KSR2: variants seen among roughly 807,000 people sequenced by gnomAD.
The protein encoded by KSR2 is kinase suppressor of ras 2.
In KSR2, 25 loss-of-function variants were observed where a neutral mutation model predicts 107.8. The ratio of observed to expected loss-of-function variants is 0.23; its 90% CI spans 0.17 to 0.32. KSR2 has a LOEUF of 0.32. Ranked by LOEUF, KSR2 falls within the 10% of genes least tolerant of loss-of-function variation. The pLI, the probability that KSR2 is intolerant of heterozygous loss-of-function variation, is 1.00. For synonymous variants in KSR2, 480 were observed against 507.0 expected (o/e 0.95, Z 0.71); for missense variants, 887 against 1,268.9 (o/e 0.70, Z 4.57).
chr12:117,836,197 T>G (rs768768258), intron 3 of KSR2, among the ~76,000 whole-genome samples: 5 of 152,096 alleles, frequency 3.3e-5, no homozygotes, highest in African/African-American at 1.2e-4. Flanking sequence ...GGCAGTAGCA[T>G]CGTCAAGTTT....
chr12:117,661,959 T>C (rs1884450217), intron 5 of KSR2, among the ~76,000 whole-genome samples: 1 of 152,160 alleles, frequency 6.6e-6, no homozygotes, highest in Non-Finnish European at 1.5e-5. Flanking sequence ...TTTATATATT[T>C]CAATGCCTGC....
intron 4 of KSR2, among the ~76,000 whole-genome samples, chr12:117,731,449 C>G (rs1887700900): frequency 2.2e-5 from 3 of 135,214 alleles, no homozygotes; most frequent in African/African-American, 9.0e-5. Flanking sequence ...ACCGCCCCGT[C>G]CGGGAGGTGG....
intron 3 of KSR2, among the ~76,000 whole-genome samples, chr12:117,850,129 G>A (rs1322764126): frequency 1.3e-5 from 2 of 152,226 alleles, no homozygotes; most frequent in African/African-American, 4.8e-5. Context: ...TTCCAAACAT[G>A]AAGGATACTT....
chr12:117,867,302 C>A (rs113389157), intron 1 of KSR2, among the ~76,000 whole-genome samples: 3 of 151,546 alleles, frequency 2.0e-5, no homozygotes, highest in African/African-American at 7.3e-5. Flanking sequence ...GGCAACAAAG[C>A]GAGACCTTGT....
At chr12:117,840,002 G>A (rs4516059) in intron 3 of KSR2, among the ~76,000 whole-genome samples, 32,728 of 152,104 alleles carry the variant, frequency 0.22, 7,469 homozygotes, top group African/African-American at 0.58. Flanking sequence ...GCAAAAGAAA[G>A]AAAATCATCA....
At chr12:117,726,866 G>A (rs938509603) in intron 4 of KSR2, among the ~76,000 whole-genome samples, 1 of 152,154 alleles carries the variant, frequency 6.6e-6, no homozygotes, top group Non-Finnish European at 1.5e-5. Context: ...GTACAAGAAT[G>A]TTCTAAGTAG....
chr12:117,919,477 T>C (rs980608785), intron 1 of KSR2, among the ~76,000 whole-genome samples: 5 of 152,226 alleles, frequency 3.3e-5, no homozygotes, highest in African/African-American at 9.6e-5. Context: ...AGGAAGCATA[T>C]GCTAGGCTGT....
chr12:117,638,129 TTAACA>T (rs1168822666), intron 5 of KSR2, among the ~76,000 whole-genome samples: 2 of 151,362 alleles, frequency 1.3e-5, no homozygotes, highest in Admixed American at 6.6e-5. Flanking sequence ...TTTCTCATAC[TTAACA>T]TTTTTGCCTA....
chr12:117,615,390 CT>C (rs34343972), intron 5 of KSR2, among the ~76,000 whole-genome samples: 136,377 of 152,138 alleles, frequency 0.9, 61,286 homozygotes, highest in East Asian at 0.99. Flanking sequence ...ATGTTAAATG[CT>C]TTGTTTTCTT....
intron 10 of KSR2, among the ~76,000 whole-genome samples, chr12:117,537,780 A>C (rs1336473397): frequency 6.6e-6 from 1 of 152,222 alleles, no homozygotes; most frequent in Non-Finnish European, 1.5e-5. Flanking sequence ...GGCACGCTAG[A>C]ACAGCAAATT....
chr12:117,870,966 T>A (rs1462022338), intron 1 of KSR2, among the ~76,000 whole-genome samples: 1 of 152,178 alleles, frequency 6.6e-6, no homozygotes, highest in Non-Finnish European at 1.5e-5. Flanking sequence ...TGGGCAGAGA[T>A]CGAGCAGTGC....
chr12:117,692,597 G>A (rs75908826), intron 4 of KSR2, among the ~76,000 whole-genome samples: 7,241 of 145,370 alleles, frequency 0.05, 254 homozygotes, highest in East Asian at 0.14. Context: ...ACAAATACAC[G>A]TACACCTATG....
chr12:117,852,711 A>G (rs1892968861), intron 3 of KSR2, among the ~76,000 whole-genome samples: 1 of 152,196 alleles, frequency 6.6e-6, no homozygotes, highest in African/African-American at 2.4e-5. Flanking sequence ...TCAAACGCTC[A>G]CTGTCAGGCA....
chr12:117,519,767 C>A (rs1474062748), intron 14 of KSR2, among the ~76,000 whole-genome samples: 1 of 150,130 alleles, frequency 6.7e-6, no homozygotes, highest in Non-Finnish European at 1.5e-5. Flanking sequence ...AGAAGAGGAG[C>A]GAGTGTGTGT....
At position 117,761,268 on chromosome 12, in the gene KSR2, C is replaced by T. The variant is rs758173069; in HGVS notation, c.729G>A (p.Ser243=). The change falls in exon 4 of 20, where the codon TCG becomes TCA. Residue 243 remains serine, a synonymous_variant. Coordinates refer to ENST00000339824, the MANE Select transcript of KSR2 (RefSeq NM_173598.6). ...PGLCPPPPLE[S]GHRSLPPSPR... ...GCGATGGGGGCAGGGAACGGTGGCC[C>T]GACTCCAGTGGCGGGGGCGGGCACA... 7.9e-6 allele frequency: 12 copies of T among 1,528,440 alleles called. No individual in the cohort carries two copies. In the East Asian group the frequency reaches 1.1e-4, roughly 15 times the overall value. 94.7% of individuals were successfully genotyped at this position (1,528,440 alleles called of 1,614,324 possible).
intron 4 of KSR2, among the ~76,000 whole-genome samples, chr12:117,752,264 A>G (rs1426186603): frequency 6.6e-6 from 1 of 152,224 alleles, no homozygotes; most frequent in Non-Finnish European, 1.5e-5. Flanking sequence ...ATACTGTTCC[A>G]TAAGGGTGGA....
At chr12:117,876,607 T>G (rs1396355703) in intron 1 of KSR2, among the ~76,000 whole-genome samples, 1 of 152,178 alleles carries the variant, frequency 6.6e-6, no homozygotes, top group Non-Finnish European at 1.5e-5. Flanking sequence ...AGTAATAACT[T>G]CCTTACACGA....
At chr12:117,713,538 G>A (rs910554131) in intron 4 of KSR2, among the ~76,000 whole-genome samples, 2 of 152,198 alleles carry the variant, frequency 1.3e-5, no homozygotes, top group African/African-American at 4.8e-5. Context: ...TGGGGCAGGA[G>A]GGAATGGGGG....
At chr12:117,568,469 G>A (rs937990390) in intron 7 of KSR2, among the ~76,000 whole-genome samples, 2 of 152,134 alleles carry the variant, frequency 1.3e-5, no homozygotes, top group Non-Finnish European at 2.9e-5. Context: ...CCAGCCCTTT[G>A]CCCGTGTAAA....
Sources: gnomAD v4.1 joint callset for allele counts (sites outside exome capture counted in the v4.1 genomes callset) on GRCh38, gnomAD v4.1.1 for gene constraint, MANE v1.5 for transcripts, NCBI Gene and HGNC (gene_info 2026-07-23, HGNC 2026-07-21) for gene names.